TLE4: variants seen among roughly 807,000 people sequenced by gnomAD.
TLE4 encodes TLE family member 4, transcriptional corepressor.
In TLE4, 8 loss-of-function variants were observed where a neutral mutation model predicts 92.8. That is an observed-to-expected ratio of 0.09 (90% CI 0.05 to 0.16). TLE4 has a LOEUF of 0.16. Ranked by LOEUF, TLE4 falls within the 10% of genes least tolerant of loss-of-function variation. TLE4 has a pLI of 1.00. For missense variants in TLE4, 675 were observed against 997.6 expected, an observed-to-expected ratio of 0.68 and a Z score of 4.36; for synonymous variants, 371 against 374.1, an observed-to-expected ratio of 0.99 and a Z score of 0.10.
At position 79,610,505 on chromosome 9, in the gene TLE4, A is replaced by G. The variant is rs571400207; in HGVS notation, c.253-2151A>G. On this transcript the variant is annotated intron_variant, in intron 4 of 19. Transcript: ENST00000376552. ...GAGGCAACTTTAGATTTCAAAGTGA[A>G]GAATGACCTGCTTAATTTTATGAAA... Among the ~76,000 whole-genome samples the G allele has an allele frequency of 1.1e-4, 17 of 152,196 alleles. No homozygotes were observed. In the East Asian group the frequency reaches 3.3e-3, roughly 29 times the overall value.
chr9:79,693,328 T>C (rs532850850), intron 8 of TLE4, among the ~76,000 whole-genome samples: 1 of 152,234 alleles, frequency 6.6e-6, no homozygotes, highest in South Asian at 2.1e-4. Context: ...GCTGGCCCTG[T>C]CAAGCCTGCT....
rs928098402 is a variant in TLE4 at position 79,654,859 on chromosome 9, G to A, written c.609+784G>A. On this transcript the variant is annotated intron_variant, in intron 8 of 19. Coordinates refer to ENST00000376552, the MANE Select transcript of TLE4 (RefSeq NM_007005.6). ...CCAGACACAATATAAATACACCATTGTAGGCCGGGCTTGGTGGTTCATGCC... is the reference window on the plus strand; with the variant it reads ...CCAGACACAATATAAATACACCATTATAGGCCGGGCTTGGTGGTTCATGCC... 4.2e-4 allele frequency among the ~76,000 whole-genome samples: 64 copies of A among 152,212 alleles called. No homozygotes were observed. In the Middle Eastern group the frequency reaches 0.01, roughly 24 times the overall value.
chr9:79,572,884 C>T (rs1224402524), intron 1 of TLE4, 49 bp downstream of exon 1: 7 of 1,560,952 alleles, frequency 4.5e-6, no homozygotes, highest in East Asian at 2.5e-5. Context: ...GGGGGATTCC[C>T]CGCGTCGCCC....
At chr9:79,587,232 T>A (rs937843069) in intron 4 of TLE4, among the ~76,000 whole-genome samples, 3 of 152,246 alleles carry the variant, frequency 2.0e-5, no homozygotes, top group African/African-American at 7.2e-5. Context: ...CATCACATAT[T>A]CTGAGTATCA....
At chr9:79,648,610 T>C (rs1278448833) in intron 6 of TLE4, among the ~76,000 whole-genome samples, 1 of 152,158 alleles carries the variant, frequency 6.6e-6, no homozygotes, top group African/African-American at 2.4e-5. Context: ...GTAACTAAAA[T>C]AAGCTGATGG....
intron 8 of TLE4, among the ~76,000 whole-genome samples, chr9:79,702,211 T>G (rs1323315605): frequency 3.3e-5 from 5 of 152,152 alleles, no homozygotes; most frequent in Non-Finnish European, 7.4e-5. Context: ...GTGAGGACTT[T>G]GGAAAACAGC....
chr9:79,695,896 G>A (rs1588359317), intron 8 of TLE4, among the ~76,000 whole-genome samples: 1 of 152,240 alleles, frequency 6.6e-6, no homozygotes, highest in East Asian at 1.9e-4. Flanking sequence ...GATGCTCTGA[G>A]AAGGAAATTT....
At chr9:79,681,413 G>T (rs2064551326) in intron 8 of TLE4, among the ~76,000 whole-genome samples, 1 of 152,070 alleles carries the variant, frequency 6.6e-6, no homozygotes, top group Non-Finnish European at 1.5e-5. Context: ...TGCTTCATAT[G>T]GTAAAGAGCT....
At chr9:79,618,451 A>G (rs1297679462) in intron 5 of TLE4, among the ~76,000 whole-genome samples, 1 of 152,218 alleles carries the variant, frequency 6.6e-6, no homozygotes, top group Non-Finnish European at 1.5e-5. Context: ...CATGAACAGT[A>G]TGGCCTCTGT....
At chr9:79,684,925 A>G (rs912211350) in intron 8 of TLE4, among the ~76,000 whole-genome samples, 1 of 152,178 alleles carries the variant, frequency 6.6e-6, no homozygotes, top group Non-Finnish European at 1.5e-5. Context: ...TCAGTCTAAC[A>G]CAGTAGTTTT....
intron 6 of TLE4, 35 bp from the exon 7 acceptor site, chr9:79,652,557 GC>G (rs2134208384): frequency 6.2e-7 from 1 of 1,610,326 alleles, no homozygotes; most frequent in Non-Finnish European, 8.5e-7. Flanking sequence ...GGATATGGGG[GC>G]AAATTCAATA....
At chr9:79,590,632 T>C (rs73652216) in intron 4 of TLE4, among the ~76,000 whole-genome samples, 5,634 of 152,276 alleles carry the variant, frequency 0.037, 201 homozygotes, top group African/African-American at 0.09. Context: ...GGAGGGTTTT[T>C]TTATAATCTA....
chr9:79,594,113 A>T (rs2132415097), intron 4 of TLE4, among the ~76,000 whole-genome samples: 1 of 152,338 alleles, frequency 6.6e-6, no homozygotes, highest in East Asian at 1.9e-4. Flanking sequence ...TACAGAGGTG[A>T]TTTTGATGTA....
intron 4 of TLE4, among the ~76,000 whole-genome samples, chr9:79,596,726 A>G (rs1258419464): frequency 1.3e-5 from 2 of 152,222 alleles, no homozygotes; most frequent in Non-Finnish European, 2.9e-5. Context: ...AAACAGAACT[A>G]CTTACCTTAA....
rs1460642655 is a variant in TLE4, at chr9:79,709,766, T to TTAGA, written c.1340+68_1340+71dup. ...CAGGTCCCTTGCTGGCCCCGTAGAC[T>TTAGA]TAGAATACCACTAGACAGTGTTGGG... On this transcript the variant is annotated intron_variant, in intron 14 of 19. Coordinates refer to ENST00000376552, the MANE Select transcript of TLE4 (RefSeq NM_007005.6). The TTAGA allele has an allele frequency of 2.9e-6, 4 of 1,360,642 alleles. No homozygotes were observed. The Admixed American group carries it at 6.8e-5, about 23-fold the overall frequency. The allele number at this position is 1,360,642 out of a possible 1,614,324, so 84.3% of individuals were successfully genotyped here.
At chr9:79,703,901 G>C (rs969303044) in intron 8 of TLE4, among the ~76,000 whole-genome samples, 1 of 151,886 alleles carries the variant, frequency 6.6e-6, no homozygotes, top group Non-Finnish European at 1.5e-5. Context: ...TGCCATCTTT[G>C]GTTGCTCAAA....
chr9:79,595,866 T>TTTTTTTA (rs1318441188), intron 4 of TLE4, among the ~76,000 whole-genome samples: 1 of 149,618 alleles, frequency 6.7e-6, no homozygotes, highest in African/African-American at 2.5e-5. Flanking sequence ...TTTTTTTTTT[T>TTTTTTTA]GAGACGGAGT....
intron 3 of TLE4, 78 bp downstream of exon 3, chr9:79,575,014 G>T (rs974784268): frequency 9.5e-6 from 12 of 1,258,222 alleles, no homozygotes; most frequent in Non-Finnish European, 1.4e-5. Context: ...AAATTGCTGG[G>T]GGCTGCAAGA....
At chr9:79,717,819 G>T (rs566011544) in intron 14 of TLE4, among the ~76,000 whole-genome samples, 12 of 152,130 alleles carry the variant, frequency 7.9e-5, no homozygotes, top group Non-Finnish European at 1.6e-4. Context: ...AAAATGGGCT[G>T]TTGCCTATGA....
Sources: allele counts gnomAD v4.1 joint callset (sites outside exome capture counted in the v4.1 genomes callset), GRCh38; gene constraint gnomAD v4.1.1; transcripts MANE v1.5; gene names NCBI Gene and HGNC (gene_info 2026-07-23, HGNC 2026-07-21).